ADAM22: variants seen among roughly 807,000 people sequenced by gnomAD.
ADAM22 encodes the protein disintegrin and metalloproteinase domain-containing protein 22.
ADAM22 carries 65 observed loss-of-function variants against 144.6 expected under a neutral mutation model. The observed-to-expected ratio is 0.45, with a 90% CI of 0.37 to 0.55. ADAM22 has a LOEUF of 0.55. Ranked by LOEUF, ADAM22 falls within the 20% of genes least tolerant of loss-of-function variation. ADAM22 has a pLI of 0.00. For synonymous variants in ADAM22, 391 were observed against 412.6 expected (o/e 0.95, Z 0.63); for missense variants, 974 against 1,184.9 (o/e 0.82, Z 2.61).
intron 3 of ADAM22, among the ~76,000 whole-genome samples, chr7:88,014,388 C>G (rs1169907183): frequency 6.6e-6 from 1 of 152,120 alleles, no homozygotes; most frequent in Non-Finnish European, 1.5e-5. Context: ...TTTTATTGCA[C>G]CATTCTTTAA....
intron 7 of ADAM22, among the ~76,000 whole-genome samples, chr7:88,120,470 T>G (rs1471067424): frequency 1.3e-5 from 2 of 152,024 alleles, no homozygotes; most frequent in Non-Finnish European, 2.9e-5. Context: ...TCTATGAGAG[T>G]TTTAATTGTT....
intron 4 of ADAM22, among the ~76,000 whole-genome samples, chr7:88,085,541 C>A (rs1286525998): frequency 6.6e-6 from 1 of 152,134 alleles, no homozygotes; most frequent in African/African-American, 2.4e-5. Flanking sequence ...TAGCAAGAGA[C>A]TGTCTTGAAC....
intron 3 of ADAM22, among the ~76,000 whole-genome samples, chr7:88,067,855 G>A (rs903336770): frequency 6.6e-6 from 1 of 152,030 alleles, no homozygotes; most frequent in Non-Finnish European, 1.5e-5. Flanking sequence ...AGACACAGGG[G>A]TACACAGAAA....
At chr7:88,128,700 GC>G in intron 9 of ADAM22, 24 bp downstream of exon 9, 1 of 1,590,018 alleles carries the variant, frequency 6.3e-7, no homozygotes. Flanking sequence ...TTGTTTTTAA[GC>G]CTGTTTGTGC....
intron 5 of ADAM22, among the ~76,000 whole-genome samples, chr7:88,113,739 T>G (rs1426326153): frequency 2.3e-5 from 3 of 129,678 alleles, no homozygotes; most frequent in Non-Finnish European, 4.9e-5. Context: ...TATATATATA[T>G]AGTAAGTCCT....
chr7:87,980,859 A>T (rs557959324), intron 3 of ADAM22, among the ~76,000 whole-genome samples: 10 of 152,040 alleles, frequency 6.6e-5, no homozygotes, highest in Non-Finnish European at 1.5e-4. Flanking sequence ...GTGAAATTTC[A>T]CTCTTTAGGA....
chr7:88,061,792 A>G (rs1809939367), intron 3 of ADAM22, among the ~76,000 whole-genome samples: 2 of 150,520 alleles, frequency 1.3e-5, no homozygotes, highest in South Asian at 4.2e-4. Context: ...CAGCTGCATT[A>G]GCCCTAAACA....
chr7:88,193,930 G>T lies in ADAM22; in HGVS notation c.2874+691G>T, dbSNP rs1403254972. Among the ~76,000 whole-genome samples, 4 of 152,320 alleles carry T rather than the reference G, an allele frequency of 2.6e-5. No individual in the cohort carries two copies. In the East Asian group the frequency reaches 7.7e-4, roughly 29 times the overall value. On this transcript the variant is annotated intron_variant, in intron 31 of 31. Transcript: ENST00000413139. The stretch of plus-strand genomic sequence containing the variant: ...AGTAAGAAGGCACAAATAATTAAAA[G>T]CTGTGTAGATCACTATAATCCAAAA...
At chr7:88,177,962 T>G (rs1367317975) in intron 26 of ADAM22, among the ~76,000 whole-genome samples, 1 of 152,152 alleles carries the variant, frequency 6.6e-6, no homozygotes, top group Admixed American at 6.5e-5. Flanking sequence ...TAGTACTGAA[T>G]AGAAAAGAAT....
rs1839005592 is a variant in ADAM22 at position 88,153,346 on chromosome 7, C to G, written c.1787+20C>G. 6.3e-7 allele frequency: 1 copy of G among 1,585,294 alleles called. No homozygotes were observed. Among genetic ancestry groups the G allele is most frequent in the Admixed American group, 1.7e-5 (1 of 57,732 alleles). On this transcript the variant is annotated intron_variant, in intron 21 of 31. Transcript: ENST00000413139. Reference sequence around the variant, plus strand: ...CAAACGGTGAGGTGGAGACGTCAGCCCAGAATTCATCCCTTGGTCAATTAC... The same window carrying G: ...CAAACGGTGAGGTGGAGACGTCAGCGCAGAATTCATCCCTTGGTCAATTAC...
intron 3 of ADAM22, among the ~76,000 whole-genome samples, chr7:88,051,629 A>T (rs1351530796): frequency 6.6e-6 from 1 of 152,148 alleles, no homozygotes; most frequent in Admixed American, 6.5e-5. Context: ...GCAGCACACC[A>T]ACATGGCACA....
intron 3 of ADAM22, among the ~76,000 whole-genome samples, chr7:88,048,374 A>T (rs184452197): frequency 6.6e-6 from 1 of 152,212 alleles, no homozygotes; most frequent in African/African-American, 2.4e-5. Flanking sequence ...TTTTCTTAGG[A>T]GAGGCATTTT....
chr7:88,106,605 C>G (rs1422694362), intron 4 of ADAM22, among the ~76,000 whole-genome samples: 3 of 152,174 alleles, frequency 2.0e-5, no homozygotes, highest in Admixed American at 6.5e-5. Context: ...TCTTTCGTAT[C>G]TCAGTGAGTC....
chr7:88,019,515 G>T lies in ADAM22; in HGVS notation c.323+41103G>T, dbSNP rs960557231. Among the ~76,000 whole-genome samples, 3 of 151,836 alleles carry T rather than the reference G, an allele frequency of 2.0e-5. No homozygotes were observed. The South Asian group carries it at 6.3e-4, about 32-fold the overall frequency. ...ATAAATACACAAAGTTTAGCATACTGACTTTGAAATTTATAATGGTATAAA... is the reference window on the plus strand; with the variant it reads ...ATAAATACACAAAGTTTAGCATACTTACTTTGAAATTTATAATGGTATAAA... On this transcript the variant is annotated intron_variant, in intron 3 of 31. Coordinates refer to ENST00000413139, the MANE Select transcript of ADAM22 (RefSeq NM_001324418.2).
At chr7:88,124,424 C>T (rs544675032) in intron 7 of ADAM22, among the ~76,000 whole-genome samples, 2 of 151,270 alleles carry the variant, frequency 1.3e-5, no homozygotes, top group Non-Finnish European at 3.0e-5. Context: ...TTAATATTTC[C>T]TTCACAGTTC....
At chr7:88,187,343 A>T (rs980898023) in intron 30 of ADAM22, among the ~76,000 whole-genome samples, 1 of 152,216 alleles carries the variant, frequency 6.6e-6, no homozygotes, top group Non-Finnish European at 1.5e-5. Context: ...CATGTAAGAA[A>T]TTTTTTATGC....
chr7:88,100,100 CA>C (rs1348517898), intron 4 of ADAM22, among the ~76,000 whole-genome samples: 2 of 152,006 alleles, frequency 1.3e-5, no homozygotes, highest in Admixed American at 1.3e-4. Flanking sequence ...AAGATATTAA[CA>C]ATGGGAAAAC....
At chr7:87,955,558 C>G (rs1175111543) in intron 2 of ADAM22, among the ~76,000 whole-genome samples, 2 of 152,312 alleles carry the variant, frequency 1.3e-5, no homozygotes, top group South Asian at 2.1e-4. Context: ...GGGGGTGCCT[C>G]CCAGTTAGGC....
intron 2 of ADAM22, among the ~76,000 whole-genome samples, chr7:87,952,758 A>G (rs1459042363): frequency 2.0e-5 from 3 of 152,188 alleles, no homozygotes; most frequent in African/African-American, 7.2e-5. Flanking sequence ...TTCGGCTGTG[A>G]ATCCATCTGG....
Sources: gnomAD v4.1 joint callset for allele counts (sites outside exome capture counted in the v4.1 genomes callset) on GRCh38, gnomAD v4.1.1 for gene constraint, MANE v1.5 for transcripts, NCBI Gene and HGNC (gene_info 2026-07-23, HGNC 2026-07-21) for gene names.